VWC2L: variants seen among roughly 807,000 people sequenced by gnomAD.
VWC2L encodes von Willebrand factor C domain containing 2 like.
In VWC2L, 10 loss-of-function variants were observed where a neutral mutation model predicts 21.6. That is an observed-to-expected ratio of 0.46 (90% CI 0.29 to 0.78). The LOEUF is 0.78. Ranked by LOEUF, VWC2L falls within the 30% of genes least tolerant of loss-of-function variation. The probability of loss-of-function intolerance (pLI) is 0.10; values close to 1 mark genes in which losing one functional copy is unlikely to be tolerated. For synonymous variants in VWC2L, 96 were observed against 94.3 expected (o/e 1.02, Z -0.10); for missense variants, 209 against 277.1 (o/e 0.75, Z 1.74).
intron 3 of VWC2L, among the ~76,000 whole-genome samples, chr2:214,573,336 C>T (rs1328752397): frequency 1.3e-5 from 2 of 152,126 alleles, no homozygotes; most frequent in Non-Finnish European, 2.9e-5. Flanking sequence ...GCTGGGAAAA[C>T]TCTTACTGGA....
At chr2:214,431,657 C>A (rs1389606079) in intron 2 of VWC2L, among the ~76,000 whole-genome samples, 2 of 152,168 alleles carry the variant, frequency 1.3e-5, no homozygotes, top group Non-Finnish European at 2.9e-5. Context: ...TGTACTCTAT[C>A]CCATCCTTTT....
At chr2:214,531,518 A>C (rs562950448) in intron 3 of VWC2L, among the ~76,000 whole-genome samples, 1 of 152,276 alleles carries the variant, frequency 6.6e-6, no homozygotes, top group African/African-American at 2.4e-5. Context: ...TCTATTCTAC[A>C]GGTAATCAAC....
intron 3 of VWC2L, among the ~76,000 whole-genome samples, chr2:214,477,032 G>A (rs1385019435): frequency 6.6e-6 from 1 of 151,964 alleles, no homozygotes; most frequent in Non-Finnish European, 1.5e-5. Flanking sequence ...GTTCTGAAGA[G>A]GAAAAAAAGG....
chr2:214,414,402 G>A lies in VWC2L; in HGVS notation c.209G>A (p.Gly70Glu), dbSNP rs754350059. 6.2e-7 allele frequency: 1 copy of A among 1,613,558 alleles called. No individual in the cohort carries two copies. Among genetic ancestry groups the A allele is most frequent in the Admixed American group, 1.7e-5 (1 of 59,932 alleles). ...VYKLGERFFP[G>E]HSNCPCVCAL... Reference sequence around the variant, plus strand: ...AAGTTGGGAGAACGATTTTTCCCTGGGCATTCCAACTGTCCATGTGTCTGT... The same window carrying A: ...AAGTTGGGAGAACGATTTTTCCCTGAGCATTCCAACTGTCCATGTGTCTGT... The change falls in exon 2 of 4, where the codon GGG becomes GAG. Residue 70 changes from glycine (G) to glutamate (E), a missense_variant. Transcript: ENST00000312504.
At chr2:214,530,563 G>T (rs1250196597) in intron 3 of VWC2L, among the ~76,000 whole-genome samples, 1 of 152,070 alleles carries the variant, frequency 6.6e-6, no homozygotes, top group Non-Finnish European at 1.5e-5. Context: ...TGATTCATGG[G>T]CTCACACCTT....
At chr2:214,574,592 T>A (rs1373599887) in intron 3 of VWC2L, among the ~76,000 whole-genome samples, 1 of 152,146 alleles carries the variant, frequency 6.6e-6, no homozygotes, top group African/African-American at 2.4e-5. Context: ...TTGTAGTGGT[T>A]ATGGTGAGTG....
At chr2:214,524,444 T>A in intron 3 of VWC2L, among the ~76,000 whole-genome samples, 1 of 152,212 alleles carries the variant, frequency 6.6e-6, no homozygotes. Flanking sequence ...CTCCCTTAGA[T>A]CTGATCTGGA....
At chr2:214,508,583 T>C (rs1021689809) in intron 3 of VWC2L, among the ~76,000 whole-genome samples, 1 of 152,362 alleles carries the variant, frequency 6.6e-6, no homozygotes, top group South Asian at 2.1e-4. Context: ...CCTGTGTAAC[T>C]AGTGTGAATT....
At chr2:214,560,704 A>C (rs1157109475) in intron 3 of VWC2L, among the ~76,000 whole-genome samples, 1 of 152,190 alleles carries the variant, frequency 6.6e-6, no homozygotes, top group Non-Finnish European at 1.5e-5. Flanking sequence ...TCCAGTGATA[A>C]CTGGCTTGTT....
At chr2:214,523,466 A>C (rs559479294) in intron 3 of VWC2L, among the ~76,000 whole-genome samples, 11 of 152,226 alleles carry the variant, frequency 7.2e-5, no homozygotes, top group Admixed American at 2.6e-4. Flanking sequence ...TATACTTTTC[A>C]AGTTGAGAAA....
chr2:214,559,929 C>T (rs1309674432), intron 3 of VWC2L, among the ~76,000 whole-genome samples: 1 of 152,180 alleles, frequency 6.6e-6, no homozygotes, highest in African/African-American at 2.4e-5. Flanking sequence ...TATACCACAT[C>T]CATACAAGAA....
intron 3 of VWC2L, among the ~76,000 whole-genome samples, chr2:214,438,286 G>C (rs1392219770): frequency 6.6e-6 from 1 of 151,956 alleles, no homozygotes; most frequent in Non-Finnish European, 1.5e-5. Flanking sequence ...AAGTAGAAGA[G>C]AAAGTATTAT....
intron 3 of VWC2L, among the ~76,000 whole-genome samples, chr2:214,570,521 G>GC (rs1407426174): frequency 6.6e-6 from 1 of 151,966 alleles, no homozygotes; most frequent in African/African-American, 2.4e-5. Context: ...GCACCACCAT[G>GC]CCCAGCTAAT....
intron 3 of VWC2L, among the ~76,000 whole-genome samples, chr2:214,552,656 T>C (rs1689812491): frequency 6.6e-6 from 1 of 152,204 alleles, no homozygotes; most frequent in South Asian, 2.1e-4. Flanking sequence ...ATTTCTCTAC[T>C]CACGACTTAA....
intron 3 of VWC2L, among the ~76,000 whole-genome samples, chr2:214,485,598 G>C (rs1181965016): frequency 6.6e-6 from 1 of 152,190 alleles, no homozygotes; most frequent in Non-Finnish European, 1.5e-5. Flanking sequence ...AAAAAGGAAA[G>C]ATTCTTCCTG....
intron 3 of VWC2L, among the ~76,000 whole-genome samples, chr2:214,504,192 T>A (rs748643581): frequency 1.1e-4 from 17 of 152,222 alleles, no homozygotes; most frequent in Admixed American, 2.0e-4. Flanking sequence ...TCATTTTGAA[T>A]AGCTTTAGCT....
At chr2:214,451,084 C>G (rs566963250) in intron 3 of VWC2L, among the ~76,000 whole-genome samples, 1 of 152,192 alleles carries the variant, frequency 6.6e-6, no homozygotes, top group South Asian at 2.1e-4. Flanking sequence ...CCCAGACCAG[C>G]AGCATCAGTA....
intron 3 of VWC2L, among the ~76,000 whole-genome samples, chr2:214,572,795 G>A (rs2105935173): frequency 6.6e-6 from 1 of 152,206 alleles, no homozygotes; most frequent in Non-Finnish European, 1.5e-5. Context: ...AAAAATCACT[G>A]TACTACTAAA....
At chr2:214,528,735 A>G (rs1322139943) in intron 3 of VWC2L, among the ~76,000 whole-genome samples, 1 of 152,206 alleles carries the variant, frequency 6.6e-6, no homozygotes, top group Admixed American at 6.5e-5. Context: ...ATATCAAAGT[A>G]GCGGGGAGTT....
Sources: gnomAD v4.1 joint callset for allele counts (sites outside exome capture counted in the v4.1 genomes callset) on GRCh38, gnomAD v4.1.1 for gene constraint, MANE v1.5 for transcripts, NCBI Gene and HGNC (gene_info 2026-07-23, HGNC 2026-07-21) for gene names.